ST18: variants seen among roughly 807,000 people sequenced by gnomAD.
ST18 encodes ST18 C2H2C-type zinc finger transcription factor, also known as suppression of tumorigenicity 18 protein.
ST18 carries 50 observed loss-of-function variants against 110.0 expected under a neutral mutation model. The ratio of observed to expected loss-of-function variants is 0.45; its 90% CI spans 0.36 to 0.58. The LOEUF (loss-of-function observed/expected upper bound fraction) is 0.58, where lower values mean the gene tolerates loss of function less well. Ranked by LOEUF, ST18 falls within the 20% of genes least tolerant of loss-of-function variation. The pLI, the probability that ST18 is intolerant of heterozygous loss-of-function variation, is 0.00. For missense variants in ST18, 1,306 were observed against 1,280.1 expected (o/e 1.02, Z -0.31); for synonymous variants, 461 against 452.4 (o/e 1.02, Z -0.24).
chr8:52,239,741 G>A lies in ST18; in HGVS notation c.-464-9664C>T, dbSNP rs139196709. The stretch of plus-strand genomic sequence containing the variant: ...GAAGCCAAAGTCTTCCCTCTCTCAC[G>A]CCTCCTATTCTTTCTTATAGGACCC... On this transcript the variant is annotated intron_variant, in intron 2 of 25. Transcript: ENST00000689386. Among the ~76,000 whole-genome samples the A allele has an allele frequency of 3.7e-3, 561 of 152,018 alleles. 3 individuals carry two copies. The highest frequency in any genetic ancestry group is 0.013 in the African/African-American group (535 of 41,446).
intron 2 of ST18, among the ~76,000 whole-genome samples, chr8:52,392,891 G>C (rs576798424): frequency 6.6e-6 from 1 of 152,302 alleles, no homozygotes; most frequent in African/African-American, 2.4e-5. Context: ...AGTCTGACTG[G>C]TCTGATTGGT....
intron 2 of ST18, among the ~76,000 whole-genome samples, chr8:52,290,332 A>G (rs1347067559): frequency 6.6e-6 from 1 of 152,222 alleles, no homozygotes; most frequent in Non-Finnish European, 1.5e-5. Context: ...ATGGATTTTC[A>G]GTGAACACAT....
intron 11 of ST18, among the ~76,000 whole-genome samples, chr8:52,166,384 T>C (rs1317915441): frequency 6.6e-6 from 1 of 152,182 alleles, no homozygotes; most frequent in South Asian, 2.1e-4. Context: ...TGGGGCACTG[T>C]TCTTCTGCCC....
At chr8:52,196,067 C>T (rs1347139856) in intron 8 of ST18, among the ~76,000 whole-genome samples, 1 of 152,108 alleles carries the variant, frequency 6.6e-6, no homozygotes, top group East Asian at 1.9e-4. Context: ...ATTTTATTAG[C>T]AGAATATGCT....
intron 2 of ST18, among the ~76,000 whole-genome samples, chr8:52,379,886 G>T (rs939444941): frequency 1.3e-5 from 2 of 152,326 alleles, no homozygotes; most frequent in African/African-American, 4.8e-5. Context: ...ACCTCCTGTT[G>T]TGATTGTGGT....
intron 2 of ST18, among the ~76,000 whole-genome samples, chr8:52,391,253 TTTGCTTGCTACCTA>T (rs1839235459): frequency 6.6e-6 from 1 of 152,174 alleles, no homozygotes; most frequent in Non-Finnish European, 1.5e-5. Context: ...CAAATGTATC[TTTGCTTGCTACCTA>T]GTAGCAAGCA....
intron 15 of ST18, among the ~76,000 whole-genome samples, chr8:52,151,242 C>A (rs1324110020): frequency 6.6e-6 from 1 of 152,070 alleles, no homozygotes; most frequent in South Asian, 2.1e-4. Context: ...ATCAGCTGGG[C>A]TTGCTGCTTG....
chr8:52,126,807 G>A (rs540839333), intron 22 of ST18, among the ~76,000 whole-genome samples: 1 of 152,172 alleles, frequency 6.6e-6, no homozygotes, highest in Non-Finnish European at 1.5e-5. Flanking sequence ...ACATTGCAGT[G>A]GTGTTTATAA....
At chr8:52,187,475 G>C (rs974317535) in intron 8 of ST18, among the ~76,000 whole-genome samples, 1 of 152,186 alleles carries the variant, frequency 6.6e-6, no homozygotes, top group Non-Finnish European at 1.5e-5. Flanking sequence ...GAGCAGACTT[G>C]CTCCAGTGAG....
chr8:52,331,004 C>T (rs955932376), intron 2 of ST18, among the ~76,000 whole-genome samples: 3 of 152,134 alleles, frequency 2.0e-5, no homozygotes, highest in African/African-American at 7.2e-5. Context: ...GCAAGCACTT[C>T]CTGGTGAACT....
chr8:52,315,414 A>G (rs2096006153), intron 2 of ST18, among the ~76,000 whole-genome samples: 7 of 152,056 alleles, frequency 4.6e-5, no homozygotes, highest in Admixed American at 4.6e-4. Context: ...ATTCCACCCC[A>G]CCAAAGCTTT....
At position 52,161,502 on chromosome 8, in the gene ST18, T is replaced by C. The variant is rs756275148; in HGVS notation, c.1467A>G (p.Thr489=). ...CAAACTTCTCTTGTTCTTTTGACAC[T>C]GTGGCTCTGGGAGAGGTGATGGCTT... The part of the protein sequence containing the change: ...PSQAITSPRA[T]VSKEQEKFGK... Residue 489 remains threonine, a synonymous_variant, in exon 14 of 26, where the codon ACA becomes ACG. Transcript: ENST00000689386. 1 of 1,614,238 alleles carries C rather than the reference T, an allele frequency of 6.2e-7. No individual in the cohort carries two copies. Among genetic ancestry groups the C allele is most frequent in the Non-Finnish European group, 8.5e-7 (1 of 1,180,036 alleles).
intron 2 of ST18, among the ~76,000 whole-genome samples, chr8:52,305,534 C>A (rs919296766): frequency 6.6e-6 from 1 of 152,224 alleles, no homozygotes; most frequent in Non-Finnish European, 1.5e-5. Flanking sequence ...CTACTTGCAT[C>A]TTCTCTAGGA....
rs765329587 is a variant in ST18 at position 52,113,363 on chromosome 8, C to A, written c.3004-25G>T. On this transcript the variant is annotated intron_variant, in intron 25 of 25. Coordinates refer to ENST00000689386, the MANE Select transcript of ST18 (RefSeq NM_001352837.2). ...CCTAAATGGAGACAAAACACATTGACCCAATCACAGTGGTTCAGGCTGAGG... is the reference window on the plus strand; with the variant it reads ...CCTAAATGGAGACAAAACACATTGAACCAATCACAGTGGTTCAGGCTGAGG... 5.6e-6 allele frequency: 9 copies of A among 1,611,508 alleles called. No homozygotes were observed. The East Asian group carries it at 2.0e-4, about 36-fold the overall frequency.
At chr8:52,387,641 A>C (rs1837354601) in intron 2 of ST18, among the ~76,000 whole-genome samples, 1 of 152,094 alleles carries the variant, frequency 6.6e-6, no homozygotes, top group South Asian at 2.1e-4. Context: ...AGGATATACA[A>C]AATGCTGACT....
intron 8 of ST18, among the ~76,000 whole-genome samples, chr8:52,189,190 G>A (rs7012262): frequency 5.1e-4 from 77 of 152,254 alleles, no homozygotes; most frequent in African/African-American, 1.8e-3. Context: ...AGAGTAGAAA[G>A]GGTGCACAGG....
At chr8:52,281,306 G>A (rs117558878) in intron 2 of ST18, among the ~76,000 whole-genome samples, 2,765 of 152,040 alleles carry the variant, frequency 0.018, 57 homozygotes, top group Middle Eastern at 0.041. Context: ...ATAAAGAAGT[G>A]TTAAGAAACA....
At chr8:52,127,673 G>A (rs2047586952) in intron 22 of ST18, among the ~76,000 whole-genome samples, 1 of 152,190 alleles carries the variant, frequency 6.6e-6, no homozygotes, top group Non-Finnish European at 1.5e-5. Flanking sequence ...AGTTAATGAA[G>A]CGTCCATCCA....
intron 2 of ST18, among the ~76,000 whole-genome samples, chr8:52,311,086 G>A (rs1355731974): frequency 2.0e-5 from 3 of 152,226 alleles, no homozygotes; most frequent in African/African-American, 7.2e-5. Flanking sequence ...GAGCAAACAG[G>A]TGAGTAGTGA....
Sources: gnomAD v4.1 joint callset for allele counts (sites outside exome capture counted in the v4.1 genomes callset) on GRCh38, gnomAD v4.1.1 for gene constraint, MANE v1.5 for transcripts, NCBI Gene and HGNC (gene_info 2026-07-23, HGNC 2026-07-21) for gene names.